CCR1: variants seen among roughly 807,000 people sequenced by gnomAD.
CCR1 encodes the protein C-C chemokine receptor type 1.
A neutral mutation model predicts 0.3 loss-of-function variants in CCR1; 1 was observed. The ratio of observed to expected loss-of-function variants is 3.70; its 90% confidence interval spans 1.31 to 17.54. CCR1 has a LOEUF of 17.54. Among genes scored for constraint, CCR1 ranks in the 30% most tolerant of loss-of-function variants. The pLI is 0.11. For missense variants in CCR1, 349 were observed against 435.4 expected, an observed-to-expected ratio of 0.80 and a Z score of 1.77; for synonymous variants, 207 against 182.5, an observed-to-expected ratio of 1.13 and a Z score of -1.08.
intron 1 of CCR1, among the ~76,000 whole-genome samples, chr3:46,206,796 T>C (rs1699652350): frequency 6.6e-6 from 1 of 152,148 alleles, no homozygotes; most frequent in Non-Finnish European, 1.5e-5. Flanking sequence ...CATGTTGTCA[T>C]CTAATCTGCC....
intron 1 of CCR1, among the ~76,000 whole-genome samples, chr3:46,206,515 G>A (rs1699649800): frequency 6.6e-6 from 1 of 152,194 alleles, no homozygotes; most frequent in South Asian, 2.1e-4. Flanking sequence ...GGTTAACAGT[G>A]GAAGTATGCA....
At chr3:46,206,713 C>A (rs1449547841) in intron 1 of CCR1, among the ~76,000 whole-genome samples, 1 of 152,232 alleles carries the variant, frequency 6.6e-6, no homozygotes, top group African/African-American at 2.4e-5. Flanking sequence ...AAGCCCCAGG[C>A]AACCACTCCA....
At chr3:46,205,051 TTTG>T (rs1256195199) in intron 1 of CCR1, among the ~76,000 whole-genome samples, 3 of 152,210 alleles carry the variant, frequency 2.0e-5, no homozygotes, top group African/African-American at 4.8e-5. Context: ...TGTGTGGGCA[TTTG>T]TTGTTGTTGT....
At position 46,202,789 on chromosome 3, in the gene CCR1, G is replaced by T. The variant is rs3136668; in HGVS notation, c.*457C>A. ...TTGGCAGTGGGAGGGTGGCGGGGGG[G>T]GGGAGGTGATGGAAGAACAGAAATT... On this transcript the variant is annotated 3_prime_UTR_variant, in exon 2 of 2. Transcript: ENST00000296140. The T allele has an allele frequency of 2.3e-4, 35 of 150,898 alleles. 1 individual carries two copies. The highest frequency in any genetic ancestry group is 1.9e-3 in the East Asian group (10 of 5,140). 9.3% of individuals were successfully genotyped at this position (150,898 alleles called of 1,614,324 possible). A position where few individuals can be genotyped will look rare whatever the true frequency, so the allele number is the denominator to read the frequency against.
In CCR1 at chr3:46,203,657, G is replaced by A. The variant is rs202010191; in HGVS notation, c.657C>T (p.Tyr219=). 9.9e-6 allele frequency: 16 copies of A among 1,614,094 alleles called. No homozygotes were observed. Among genetic ancestry groups the A allele is most frequent in the South Asian group, 2.2e-5 (2 of 91,090 alleles). ...VLPLLVMIIC[Y]TGIIKILLRR... ...TTAGCAGAATCTTTATAATCCCTGT[G>A]TAGCAGATGATCATGACCAACAAAG... Residue 219 remains tyrosine, a synonymous_variant, in exon 2 of 2, where the codon TAC becomes TAT. Coordinates refer to ENST00000296140, the MANE Select transcript of CCR1 (RefSeq NM_001295.3). The surrounding 1 kb of genome is among the most constrained non-coding windows in gnomAD (Gnocchi z 4.5).
At chr3:46,205,163 T>C (rs1020163654) in intron 1 of CCR1, among the ~76,000 whole-genome samples, 3 of 152,104 alleles carry the variant, frequency 2.0e-5, no homozygotes, top group Admixed American at 1.3e-4. Flanking sequence ...GGTGTTGCCA[T>C]AGTGAAATCC....
rs199658220 is a variant in CCR1 at position 46,203,761 on chromosome 3, G to A, written c.553C>T (p.Leu185Phe). The A allele has an allele frequency of 2.8e-5, 45 of 1,614,062 alleles. No homozygotes were observed. Among genetic ancestry groups the A allele is most frequent in the Middle Eastern group, 3.3e-4 (2 of 6,084 alleles). Residue 185 changes from leucine to phenylalanine, a missense_variant, in exon 2 of 2, where the codon CTT (leucine) becomes TTT (phenylalanine). Physicochemically the swap from Leu to Phe is conservative, Grantham distance 22. Coordinates refer to ENST00000296140, the MANE Select transcript of CCR1 (RefSeq NM_001295.3). The surrounding 1 kb of genome is among the most constrained non-coding windows in gnomAD (Gnocchi z 4.5). ...CGTAGGCTTTCGTGAGGAAAGTGAA[G>A]GCTGCAGGTGTGGTGAGTGAATTCC... ...QWEFTHHTCS[L>F]HFPHESLREW...
intron 1 of CCR1, among the ~76,000 whole-genome samples, chr3:46,205,527 G>C (rs1699640331): frequency 6.6e-6 from 1 of 152,154 alleles, no homozygotes; most frequent in South Asian, 2.1e-4. Context: ...TGCCTTTGTA[G>C]GACTTCTCCC....
chr3:46,203,214 G>C lies in CCR1; in HGVS notation c.*32C>G. The C allele has an allele frequency of 1.3e-6, 2 of 1,537,198 alleles. No individual in the cohort carries two copies. Among genetic ancestry groups the C allele is most frequent in the Non-Finnish European group, 1.8e-6 (2 of 1,119,872 alleles). On this transcript the variant is annotated 3_prime_UTR_variant, in exon 2 of 2. Transcript: ENST00000296140. The surrounding 1 kb of genome is among the most constrained non-coding windows in gnomAD (Gnocchi z 4.5). ...TCAGTGTGCCTGGCAGGTCACGCCT[G>C]CTTATTTTGGGTTGGCCTCCTATGG...
chr3:46,206,952 A>G (rs576749894), intron 1 of CCR1, among the ~76,000 whole-genome samples: 8 of 152,266 alleles, frequency 5.3e-5, no homozygotes, highest in African/African-American at 1.9e-4. Flanking sequence ...GCAGTCTGTG[A>G]TGGTGAAAGA....
rs201378239 is a variant in CCR1, at chr3:46,203,900, G to A, written c.414C>T (p.Ala138=). ...CGGTCCGTGCCCGCAAGGCAAACACGGCGTGGACGATGGCCAGGTACCTGT... is the reference window on the plus strand; with the variant it reads ...CGGTCCGTGCCCGCAAGGCAAACACAGCGTGGACGATGGCCAGGTACCTGT... ...TIDRYLAIVH[A]VFALRARTVT... The change falls in exon 2 of 2, where the codon GCC becomes GCT. Residue 138 remains alanine (A), a synonymous_variant. Coordinates refer to ENST00000296140, the MANE Select transcript of CCR1 (RefSeq NM_001295.3). This position sits in a 1 kb window ranked among gnomAD's most constrained non-coding sequence, Gnocchi z 4.5. 28 of 1,614,060 alleles carry A rather than the reference G, an allele frequency of 1.7e-5. No homozygotes were observed. Among genetic ancestry groups the A allele is most frequent in the Admixed American group, 1.3e-4 (8 of 60,008 alleles).
chr3:46,204,431 TA>T, intron 1 of CCR1, 107 bp from the exon 2 acceptor site: 1 of 697,482 alleles, frequency 1.4e-6, no homozygotes, highest in Non-Finnish European at 2.3e-6. Context: ...AGCCACTCCA[TA>T]AATGTTTATT....
intron 1 of CCR1, among the ~76,000 whole-genome samples, chr3:46,206,480 G>C (rs767273850): frequency 1.3e-5 from 2 of 152,182 alleles, no homozygotes; most frequent in Non-Finnish European, 2.9e-5. Context: ...CGGTTTGATA[G>C]TCAGCACTTT....
At chr3:46,208,177 AAAG>A (rs1699663442) in intron 1 of CCR1, 102 bp downstream of exon 1, 1 of 152,210 alleles carries the variant, frequency 6.6e-6, no homozygotes, top group African/African-American at 2.4e-5. Flanking sequence ...CAGCCTACTC[AAAG>A]AATTCCCCCT....
At chr3:46,206,088 C>A (rs887425260) in intron 1 of CCR1, among the ~76,000 whole-genome samples, 1 of 152,124 alleles carries the variant, frequency 6.6e-6, no homozygotes, top group Admixed American at 6.5e-5. Context: ...TGATTTGACC[C>A]AAATGCCAAT....
chr3:46,204,135 A>G lies in CCR1; in HGVS notation c.179T>C (p.Val60Ala). Reference protein sequence around the residue: ...VGNILVVLVLVQYKRLKNMTS... With the variant: ...VGNILVVLVLAQYKRLKNMTS... ...CATGTTTTTTAGCCTCTTGTATTGC[A>G]CAAGGACCAGGACCACCAGGATGTT... The change falls in exon 2 of 2, where the codon GTG (valine) becomes GCG (alanine). Residue 60 changes from valine to alanine, a missense_variant. By Grantham distance (64) the Val-to-Ala change is moderately conservative (BLOSUM62 0). Transcript: ENST00000296140. The G allele has an allele frequency of 1.2e-6, 2 of 1,614,158 alleles. No homozygotes were observed. Among genetic ancestry groups the G allele is most frequent in the South Asian group, 1.1e-5 (1 of 91,086 alleles).
At chr3:46,207,205 C>G (rs903464575) in intron 1 of CCR1, among the ~76,000 whole-genome samples, 2 of 152,136 alleles carry the variant, frequency 1.3e-5, no homozygotes, top group African/African-American at 2.4e-5. Context: ...CAGCACTGTC[C>G]CACTGCTCGG....
In CCR1 at chr3:46,203,440, T is replaced by A. The variant is rs1217180788; in HGVS notation, c.874A>T (p.Thr292Ser). 3 of 1,614,174 alleles carry A rather than the reference T, an allele frequency of 1.9e-6. No individual in the cohort carries two copies. The Admixed American group carries it at 5.0e-5, about 27-fold the overall frequency. ...ATCACTGGGTTGACACAGCAGTGCG[T>A]GTAGGCGATCACCTCCGTCACTTGC... is the stretch of plus-strand genomic sequence containing the variant. ...AVQVTEVIAY[T>S]HCCVNPVIYA... The change falls in exon 2 of 2, where the codon ACG becomes TCG. Residue 292 changes from threonine to serine, a missense_variant. Physicochemically the swap from Thr to Ser is moderately conservative, Grantham distance 58. Transcript: ENST00000296140. This position sits in a 1 kb window ranked among gnomAD's most constrained non-coding sequence, Gnocchi z 4.5.
intron 1 of CCR1, 115 bp from the exon 2 acceptor site, chr3:46,204,439 T>G: frequency 1.5e-6 from 1 of 649,178 alleles, no homozygotes; most frequent in Non-Finnish European, 2.6e-6. Context: ...CATAAATGTT[T>G]ATTGAGTGCC....
Sources: gnomAD v4.1 joint callset for allele counts (sites outside exome capture counted in the v4.1 genomes callset) on GRCh38, gnomAD v4.1.1 for gene constraint, Gnocchi (gnomAD v3.1) non-coding constraint, MANE v1.5 for transcripts, NCBI Gene and HGNC (gene_info 2026-07-23, HGNC 2026-07-21) for gene names.